Variants in ZEB1 observed in about 807,000 individuals in gnomAD.
ZEB1 encodes the protein zinc finger E-box-binding homeobox 1.
Under a neutral mutation model 84.9 loss-of-function variants are expected in ZEB1, and 21 were observed. The ratio of observed to expected loss-of-function variants is 0.25; its 90% CI spans 0.18 to 0.36. The LOEUF (loss-of-function observed/expected upper bound fraction) is 0.36, where lower values mean the gene tolerates loss of function less well. Among genes scored for constraint, ZEB1 ranks in the 10% least tolerant of loss-of-function variants. The pLI is 1.00. For missense variants in ZEB1, 1,104 were observed against 1,330.2 expected (o/e 0.83, Z 2.65); for synonymous variants, 420 against 471.1 (o/e 0.89, Z 1.41).
intron 1 of ZEB1, among the ~76,000 whole-genome samples, chr10:31,452,742 T>TGAGAGAGA (rs35403055): frequency 1.7e-4 from 15 of 90,808 alleles, no homozygotes; most frequent in Admixed American, 3.7e-4. Flanking sequence ...TGTGTGTGTG[T>TGAGAGAGA]GAGAGAGAGA....
At chr10:31,502,230 T>G (rs2068251347) in intron 3 of ZEB1, 118 bp from the exon 4 acceptor site, 1 of 1,004,476 alleles carries the variant, frequency 1.0e-6, no homozygotes, top group East Asian at 2.6e-5. Context: ...CAAGAAATAT[T>G]TTCTGCAGAT....
At chr10:31,518,338 A>G (rs1001722205) in intron 6 of ZEB1, among the ~76,000 whole-genome samples, 7 of 152,128 alleles carry the variant, frequency 4.6e-5, no homozygotes, top group African/African-American at 1.7e-4. Flanking sequence ...GGTATATTTA[A>G]CCTATATAAG....
chr10:31,469,043 AT>A (rs1365519230), intron 2 of ZEB1, among the ~76,000 whole-genome samples: 1 of 152,232 alleles, frequency 6.6e-6, no homozygotes, highest in Non-Finnish European at 1.5e-5. Context: ...AATCTAAGAG[AT>A]GAAAGACAAC....
chr10:31,410,558 G>A (rs907113111), intron 1 of ZEB1, among the ~76,000 whole-genome samples: 3 of 152,092 alleles, frequency 2.0e-5, no homozygotes, highest in African/African-American at 4.8e-5. Context: ...TCTGTTGTTC[G>A]AGATAGTTTC....
chr10:31,363,031 A>T, intron 1 of ZEB1: 3 of 1,533,816 alleles, frequency 2.0e-6, no homozygotes, highest in Non-Finnish European at 2.6e-6. Flanking sequence ...CCTCAGTTGC[A>T]GGGGAGGGGT....
chr10:31,351,200 TATAGTA>T, intron 1 of ZEB1, among the ~76,000 whole-genome samples: 1 of 152,282 alleles, frequency 6.6e-6, no homozygotes, highest in South Asian at 2.1e-4. Context: ...TGAAAAGAAA[TATAGTA>T]GTTGTAAATT....
chr10:31,382,375 A>G (rs1028375005), intron 1 of ZEB1, among the ~76,000 whole-genome samples: 4 of 152,168 alleles, frequency 2.6e-5, no homozygotes, highest in African/African-American at 9.7e-5. Flanking sequence ...TAAGAGGAAT[A>G]CTGAACAAAT....
chr10:31,444,740 T>C (rs1185023539), intron 1 of ZEB1, among the ~76,000 whole-genome samples: 1 of 152,012 alleles, frequency 6.6e-6, no homozygotes, highest in Non-Finnish European at 1.5e-5. Context: ...GCGGCGTTAT[T>C]TCTGAGGGCT....
At chr10:31,398,991 C>CT (rs34530318) in intron 1 of ZEB1, among the ~76,000 whole-genome samples, 12,556 of 133,100 alleles carry the variant, frequency 0.094, 1,594 homozygotes, top group African/African-American at 0.29. Flanking sequence ...GTCCTTTAGT[C>CT]TTTTTTTTTT....
intron 1 of ZEB1, among the ~76,000 whole-genome samples, chr10:31,406,886 G>A (rs1216311765): frequency 6.6e-6 from 1 of 151,998 alleles, no homozygotes; most frequent in African/African-American, 2.4e-5. Context: ...GTAAGGAAGG[G>A]TTCCAGTTTC....
chr10:31,459,843 GTGTGTGTGT>G (rs2061626972), intron 1 of ZEB1, among the ~76,000 whole-genome samples: 1 of 123,214 alleles, frequency 8.1e-6, no homozygotes, highest in African/African-American at 3.5e-5. Flanking sequence ...GTGTGTGTGT[GTGTGTGTGT>G]GTGTGTGTGT....
chr10:31,432,996 A>AC (rs2057901364), intron 1 of ZEB1, among the ~76,000 whole-genome samples: 1 of 152,220 alleles, frequency 6.6e-6, no homozygotes, highest in East Asian at 1.9e-4. Context: ...AGTTAGTTGG[A>AC]ATTAGCCTTT....
chr10:31,382,620 G>T (rs1009107245), intron 1 of ZEB1, among the ~76,000 whole-genome samples: 5 of 152,064 alleles, frequency 3.3e-5, no homozygotes, highest in African/African-American at 1.2e-4. Context: ...GAATAAAAAA[G>T]AAAAGGTAAC....
chr10:31,354,180 TGAAA>T, intron 1 of ZEB1, among the ~76,000 whole-genome samples: 1 of 152,202 alleles, frequency 6.6e-6, no homozygotes, highest in Admixed American at 6.5e-5. Context: ...TTATTTCTTC[TGAAA>T]CAATGATATT....
rs2067143414 is a variant in ZEB1 at position 31,495,806 on chromosome 10, C to A, written c.290C>A (p.Pro97His). The A allele has an allele frequency of 1.2e-6, 2 of 1,612,986 alleles. No individual in the cohort carries two copies. Among genetic ancestry groups the A allele is most frequent in the Non-Finnish European group, 1.7e-6 (2 of 1,179,192 alleles). The change falls in exon 3 of 9, where the codon CCT becomes CAT. Residue 97 changes from proline to histidine, a missense_variant. Physicochemically the swap from Pro to His is moderately conservative, Grantham distance 77 (BLOSUM62 -2). This residue lies in a region of ZEB1 where 162 missense variants were observed against 184.5 expected (regional missense o/e 0.88). Transcript: ENST00000424869. ...TGKEGQEILG[P>H]EAQADEAGCT... ...AAGGAAGGGCAAGAAATCCTGGGGC[C>A]TGAAGCTCAGGCAGATGAAGCAGGA...
At chr10:31,474,149 G>A (rs2063709113) in intron 2 of ZEB1, among the ~76,000 whole-genome samples, 1 of 152,204 alleles carries the variant, frequency 6.6e-6, no homozygotes, top group South Asian at 2.1e-4. Context: ...CATAGGCACG[G>A]GCAAGGACTT....
chr10:31,328,399 A>G (rs1289907587), intron 1 of ZEB1, among the ~76,000 whole-genome samples: 1 of 152,152 alleles, frequency 6.6e-6, no homozygotes, highest in Non-Finnish European at 1.5e-5. Flanking sequence ...CATATGACGC[A>G]TTGTGCCTAA....
chr10:31,499,086 C>T (rs1455975229), intron 3 of ZEB1, among the ~76,000 whole-genome samples: 1 of 152,028 alleles, frequency 6.6e-6, no homozygotes, highest in Non-Finnish European at 1.5e-5. Flanking sequence ...AATGTCCTGT[C>T]AGTATTTCTT....
chr10:31,372,117 T>C (rs1031632647), intron 1 of ZEB1, among the ~76,000 whole-genome samples: 1 of 152,134 alleles, frequency 6.6e-6, no homozygotes, highest in African/African-American at 2.4e-5. Flanking sequence ...TATCTAGTTA[T>C]GTACACTTAA....
Sources: gnomAD v4.1 joint callset for allele counts (sites outside exome capture counted in the v4.1 genomes callset) on GRCh38, gnomAD v4.1.1 for gene constraint, gnomAD v4.1.1 regional missense constraint, MANE v1.5 for transcripts, NCBI Gene and HGNC (gene_info 2026-07-23, HGNC 2026-07-21) for gene names.